The following FMN1 variants were observed in gnomAD, a reference collection of about 807,000 sequenced individuals.
FMN1 encodes the protein formin 1.
In FMN1, 110 loss-of-function variants were observed where a neutral mutation model predicts 132.4. That is an observed-to-expected ratio of 0.83 (90% CI 0.71 to 0.97). FMN1 has a LOEUF of 0.97. FMN1 is among the 50% of genes least tolerant of loss of function. The pLI is 0.00. For synonymous variants in FMN1, 722 were observed against 651.7 expected, an observed-to-expected ratio of 1.11 and a Z score of -1.64; for missense variants, 1,792 against 1,705.3, an observed-to-expected ratio of 1.05 and a Z score of -0.90.
At chr15:33,124,402 G>C (rs1431500645) in intron 4 of FMN1, among the ~76,000 whole-genome samples, 1 of 152,124 alleles carries the variant, frequency 6.6e-6, no homozygotes, top group Admixed American at 6.6e-5. Flanking sequence ...CACCCCCCTT[G>C]CCATTTTGTG....
intron 19 of FMN1, among the ~76,000 whole-genome samples, chr15:32,798,409 T>C (rs2057366867): frequency 6.6e-6 from 1 of 152,198 alleles, no homozygotes; most frequent in South Asian, 2.1e-4. Flanking sequence ...TTTCCTTTGA[T>C]GCAAGTTCAG....
At chr15:32,805,770 A>G (rs115660083) in intron 17 of FMN1, among the ~76,000 whole-genome samples, 1 of 151,500 alleles carries the variant, frequency 6.6e-6, no homozygotes, top group African/African-American at 2.4e-5. Context: ...CATTTGCAGC[A>G]GTGCTGCTCA....
intron 16 of FMN1, among the ~76,000 whole-genome samples, chr15:32,876,441 G>T (rs1005389117): frequency 6.6e-6 from 1 of 152,158 alleles, no homozygotes; most frequent in Non-Finnish European, 1.5e-5. Context: ...AAAAACCAGT[G>T]AAATCCATAT....
rs377504463 is a variant in FMN1 at position 33,021,079 on chromosome 15, G to A, written c.2162-13004C>T. On this transcript the variant is annotated intron_variant, in intron 6 of 20. Transcript: ENST00000616417. ...TAATTGCATAGTTTGACTTGCCTCC[G>A]GTACTCCTGCTATTTCATGTAATTA... Among the ~76,000 whole-genome samples the A allele has an allele frequency of 1.4e-3, 211 of 152,214 alleles. 1 individual carries two copies. The highest frequency in any genetic ancestry group is 4.9e-3 in the African/African-American group (202 of 41,532).
At chr15:33,023,165 A>G (rs1404725000) in intron 6 of FMN1, among the ~76,000 whole-genome samples, 1 of 151,384 alleles carries the variant, frequency 6.6e-6, no homozygotes, top group African/African-American at 2.4e-5. Flanking sequence ...AGGCTAGTGA[A>G]CCCAATACGC....
At position 33,154,981 on chromosome 15, in the gene FMN1, G is replaced by T; in HGVS notation, c.-67C>A. The T allele has an allele frequency of 7.7e-7, 1 of 1,294,556 alleles. No individual in the cohort carries two copies. The highest frequency in any genetic ancestry group is 1.0e-6 in the Non-Finnish European group (1 of 961,852). The allele number at this position is 1,294,556 out of a possible 1,614,324, so 80.2% of individuals were successfully genotyped here. ...TGGTCAGGCTTCCCAGGCTCCAGTG[G>T]TGAGGCATGTGATGGTGGCTATGCA... On this transcript the variant is annotated 5_prime_UTR_variant, in exon 4 of 21. Transcript: ENST00000616417.
intron 7 of FMN1, 35 bp downstream of exon 7, chr15:33,007,979 T>C (rs1392287662): frequency 3.2e-6 from 5 of 1,558,216 alleles, no homozygotes; most frequent in South Asian, 2.3e-5. Context: ...GTATCAGTTC[T>C]ATAGAACCCG....
At chr15:33,067,215 G>A (rs2037779665) in intron 5 of FMN1, 1 of 1,613,300 alleles carries the variant, frequency 6.2e-7, no homozygotes, top group South Asian at 1.1e-5. Context: ...TCTGTCTGAA[G>A]ACCACCGTTG....
chr15:32,874,306 C>A (rs1476593497), intron 16 of FMN1, among the ~76,000 whole-genome samples: 23 of 152,040 alleles, frequency 1.5e-4, no homozygotes, highest in Non-Finnish European at 2.9e-5. Context: ...CAGGTGTGAG[C>A]CACCAAGCCC....
At chr15:32,920,396 T>G (rs1200984298) in intron 10 of FMN1, among the ~76,000 whole-genome samples, 1 of 152,180 alleles carries the variant, frequency 6.6e-6, no homozygotes, top group Non-Finnish European at 1.5e-5. Flanking sequence ...CCTGAAACCA[T>G]TCTTCCTCTA....
chr15:33,096,326 A>AGTCGTCT (rs1409589279), intron 4 of FMN1, among the ~76,000 whole-genome samples: 2 of 152,214 alleles, frequency 1.3e-5, no homozygotes, highest in South Asian at 4.2e-4. Context: ...AGGCTGGTCT[A>AGTCGTCT]GTCGTCTGTC....
intron 4 of FMN1, chr15:33,150,785 T>C (rs1477074367): frequency 1.9e-5 from 19 of 986,010 alleles, no homozygotes; most frequent in East Asian, 1.1e-4. Flanking sequence ...TACCTAGATG[T>C]TATTTCCACA....
At chr15:33,001,350 A>G (rs1331567148) in intron 7 of FMN1, among the ~76,000 whole-genome samples, 1 of 152,194 alleles carries the variant, frequency 6.6e-6, no homozygotes, top group East Asian at 1.9e-4. Flanking sequence ...GCAAAGATTT[A>G]TTGATTATTT....
At chr15:33,171,017 G>A (rs1325463086) in intron 3 of FMN1, among the ~76,000 whole-genome samples, 2 of 152,074 alleles carry the variant, frequency 1.3e-5, no homozygotes, top group African/African-American at 4.8e-5. Flanking sequence ...AGAAAATGTG[G>A]TATATACACA....
rs377620967 is a variant in FMN1, at chr15:33,067,200, G to A, written c.2044-2126C>T. The A allele has an allele frequency of 7.8e-5, 126 of 1,613,414 alleles. No homozygotes were observed. Among genetic ancestry groups the A allele is most frequent in the Non-Finnish European group, 9.7e-5 (114 of 1,179,896 alleles). On this transcript the variant is annotated intron_variant, in intron 5 of 20. Coordinates refer to ENST00000616417, the MANE Select transcript of FMN1 (RefSeq NM_001277313.2). ...TCTCCCACCTGGTCCTGGCTGGGGC[G>A]ACGCTCTGTCTGAAGACCACCGTTG... is the stretch of plus-strand genomic sequence containing the variant.
intron 12 of FMN1, among the ~76,000 whole-genome samples, chr15:32,907,333 A>G (rs568503): frequency 0.059 from 8,981 of 151,938 alleles, 904 homozygotes; most frequent in African/African-American, 0.21. Flanking sequence ...AGTGACAGAT[A>G]ATCATTAGAT....
intron 7 of FMN1, among the ~76,000 whole-genome samples, chr15:32,993,913 G>GA (rs1555375358): frequency 3.2e-5 from 3 of 94,460 alleles, no homozygotes; most frequent in African/African-American, 1.9e-4. Flanking sequence ...GGGGCGGGGT[G>GA]GGGGGGGTCT....
At chr15:32,784,033 T>C (rs1479441931) in intron 19 of FMN1, among the ~76,000 whole-genome samples, 2 of 152,212 alleles carry the variant, frequency 1.3e-5, no homozygotes, top group Admixed American at 6.5e-5. Context: ...GAAATCATTA[T>C]GAAGTTTGTA....
intron 16 of FMN1, among the ~76,000 whole-genome samples, chr15:32,876,107 C>T (rs2059630658): frequency 6.6e-6 from 1 of 152,156 alleles, no homozygotes; most frequent in Non-Finnish European, 1.5e-5. Context: ...AATGAACTTG[C>T]CAAATTAATG....
Sources: gnomAD v4.1 joint callset for allele counts (sites outside exome capture counted in the v4.1 genomes callset) on GRCh38, gnomAD v4.1.1 for gene constraint, MANE v1.5 for transcripts, NCBI Gene and HGNC (gene_info 2026-07-23, HGNC 2026-07-21) for gene names.